The following TOLLIP variants were observed in gnomAD, a reference collection of about 807,000 sequenced individuals.
TOLLIP encodes the protein toll-interacting protein.
TOLLIP carries 16 observed loss-of-function variants against 33.5 expected under a neutral mutation model. That is an observed-to-expected ratio of 0.48 (90% CI 0.32 to 0.72). TOLLIP has a LOEUF of 0.72. TOLLIP is among the 30% of genes least tolerant of loss of function. The probability of loss-of-function intolerance (pLI) is 0.03; values close to 1 mark genes in which losing one functional copy is unlikely to be tolerated. For missense variants in TOLLIP, 325 were observed against 396.6 expected, an observed-to-expected ratio of 0.82 and a Z score of 1.53; for synonymous variants, 176 against 163.7, an observed-to-expected ratio of 1.07 and a Z score of -0.57.
At chr11:1,289,591 C>T (rs979299983) in intron 3 of TOLLIP, among the ~76,000 whole-genome samples, 8 of 151,702 alleles carry the variant, frequency 5.3e-5, no homozygotes, top group Non-Finnish European at 1.2e-4. Flanking sequence ...GGTGAGCGGC[C>T]GGACCCTGTG....
intron 1 of TOLLIP, among the ~76,000 whole-genome samples, chr11:1,304,058 C>G: frequency 6.7e-6 from 1 of 148,390 alleles, no homozygotes. Flanking sequence ...AAAAAAAAGA[C>G]CTCAAGTGAA....
intron 5 of TOLLIP, among the ~76,000 whole-genome samples, chr11:1,280,569 G>T (rs1211373151): frequency 1.3e-5 from 2 of 152,072 alleles, no homozygotes; most frequent in Non-Finnish European, 2.9e-5. Context: ...GGTGCACGAG[G>T]GAACAGATGG....
chr11:1,296,440 G>A (rs1222375305), intron 1 of TOLLIP, among the ~76,000 whole-genome samples: 2 of 152,224 alleles, frequency 1.3e-5, no homozygotes, highest in Non-Finnish European at 2.9e-5. Flanking sequence ...ATGCCATCCC[G>A]AAACCACCCG....
rs549183160 is a variant in TOLLIP, at chr11:1,303,387, G to A, written c.33+6079C>T. Among the ~76,000 whole-genome samples, 12 of 152,312 alleles carry A rather than the reference G, an allele frequency of 7.9e-5. No homozygotes were observed. Among genetic ancestry groups the A allele is most frequent in the African/African-American group, 2.6e-4 (11 of 41,578 alleles). On this transcript the variant is annotated intron_variant, in intron 1 of 5. Transcript: ENST00000317204. This position sits in a 1 kb window ranked among gnomAD's most constrained non-coding sequence, Gnocchi z 4.2. ...AGGCCCTGGGCGCCGGGCACAGGGC[G>A]CGCGCTGCGGCAGCCTCTGCGTGTC...
chr11:1,297,607 C>T (rs1214376415), intron 1 of TOLLIP, among the ~76,000 whole-genome samples: 4 of 152,258 alleles, frequency 2.6e-5, no homozygotes, highest in Admixed American at 1.3e-4. Context: ...GACTGGGACA[C>T]GTCACGAGTG....
At chr11:1,309,345 CGTG>C in intron 1 of TOLLIP, 118 bp downstream of exon 1, 1 of 515,132 alleles carries the variant, frequency 1.9e-6, no homozygotes, top group Non-Finnish European at 2.9e-6. Flanking sequence ...AGGCGCCCCG[CGTG>C]CCCCGGGAGA....
Position 1,303,929 on chromosome 11 carries a change from G to A in TOLLIP, c.33+5537C>T, listed in dbSNP as rs1197651153. Among the ~76,000 whole-genome samples, 3 of 151,980 alleles carry A rather than the reference G, an allele frequency of 2.0e-5. No homozygotes were observed. Among genetic ancestry groups the A allele is most frequent in the South Asian group, 2.1e-4 (1 of 4,826 alleles). On this transcript the variant is annotated intron_variant, in intron 1 of 5. Transcript: ENST00000317204. The surrounding 1 kb of genome is among the most constrained non-coding windows in gnomAD (Gnocchi z 4.2). The stretch of plus-strand genomic sequence containing the variant: ...TGGACGCCTGTAATCCCAGCTACTC[G>A]GGAGTCTGAGGCAGGAAAATCGCTT...
chr11:1,304,053 A>G (rs1057205789), intron 1 of TOLLIP, among the ~76,000 whole-genome samples: 1 of 151,618 alleles, frequency 6.6e-6, no homozygotes, highest in Admixed American at 6.6e-5. Flanking sequence ...AAAAAAAAAA[A>G]AAGACCTCAA....
rs1170784803 is a variant in TOLLIP at position 1,309,070 on chromosome 11, TCGGGGCCGCCTCCATCTGGGCAC to T, written c.33+373_33+395del. Among the ~76,000 whole-genome samples, 253 of 149,828 alleles carry T rather than the reference TCGGGGCCGCCTCCATCTGGGCAC, an allele frequency of 1.7e-3. 2 individuals carry two copies. The highest frequency in any genetic ancestry group is 5.5e-3 in the African/African-American group (223 of 40,478). On this transcript the variant is annotated intron_variant, in intron 1 of 5. Transcript: ENST00000317204. ...CCCTCCTCCATTCGGGAGTCAGAGC[TCGGGGCCGCCTCCATCTGGGCAC>T]CGGGCCCTCCTCCATCTGGAGACCA...
rs5743896 is a variant in TOLLIP, at chr11:1,303,195, G to C, written c.33+6271C>G. 0.022 allele frequency among the ~76,000 whole-genome samples: 3,377 copies of C among 152,240 alleles called. 132 individuals carry two copies. Among genetic ancestry groups the C allele is most frequent in the African/African-American group, 0.077 (3,178 of 41,520 alleles). On this transcript the variant is annotated intron_variant, in intron 1 of 5. Coordinates refer to ENST00000317204, the MANE Select transcript of TOLLIP (RefSeq NM_019009.4). This position sits in a 1 kb window ranked among gnomAD's most constrained non-coding sequence, Gnocchi z 4.2. The stretch of plus-strand genomic sequence containing the variant: ...ACTACAGAACAAGCGACTTTAAATG[G>C]GGTCTCTGCCAGGAACTCCACTGCA...
intron 5 of TOLLIP, among the ~76,000 whole-genome samples, chr11:1,281,286 T>C (rs1257364182): frequency 6.6e-6 from 1 of 152,244 alleles, no homozygotes; most frequent in Non-Finnish European, 1.5e-5. Context: ...CCTTCCTCAC[T>C]GATGCGGTCA....
At chr11:1,302,123 G>A (rs1015284045) in intron 1 of TOLLIP, among the ~76,000 whole-genome samples, 2 of 152,264 alleles carry the variant, frequency 1.3e-5, no homozygotes, top group Non-Finnish European at 2.9e-5. Flanking sequence ...GATGTCTGCT[G>A]CTAGGTTCAC....
At position 1,290,540 on chromosome 11, in the gene TOLLIP, C is replaced by T. The variant is rs929917840; in HGVS notation, c.184-131G>A. On this transcript the variant is annotated intron_variant, in intron 2 of 5. Coordinates refer to ENST00000317204, the MANE Select transcript of TOLLIP (RefSeq NM_019009.4). This position sits in a 1 kb window ranked among gnomAD's most constrained non-coding sequence, Gnocchi z 4.9. ...CACATAGACTACAGCCACTCAGAGT[C>T]GCCTGAACACGGCTGTGACCTGCTT... 18 of 776,330 alleles carry T rather than the reference C, an allele frequency of 2.3e-5. No homozygotes were observed. The highest frequency in any genetic ancestry group is 1.6e-4 in the East Asian group (6 of 37,152). 48.1% of individuals were successfully genotyped at this position (776,330 alleles called of 1,614,324 possible).
chr11:1,276,358 G>A lies in TOLLIP; in HGVS notation c.*681C>T, dbSNP rs1258824197. ...TCAGATGCCCGCTGGCTGGCAATCA[G>A]GCAGAGCCTGGCCAACCGTGCCAGG... On this transcript the variant is annotated 3_prime_UTR_variant, in exon 6 of 6. Transcript: ENST00000317204. 1 of 209,960 alleles carries A rather than the reference G, an allele frequency of 4.8e-6. No homozygotes were observed. Among genetic ancestry groups the A allele is most frequent in the African/African-American group, 2.3e-5 (1 of 42,886 alleles). 13.0% of individuals were successfully genotyped at this position (209,960 alleles called of 1,614,324 possible). A position where few individuals can be genotyped will look rare whatever the true frequency, so the allele number is the denominator to read the frequency against.
chr11:1,281,096 A>C (rs2133882470), intron 5 of TOLLIP, among the ~76,000 whole-genome samples: 1 of 152,354 alleles, frequency 6.6e-6, no homozygotes, highest in Non-Finnish European at 1.5e-5. Flanking sequence ...AATTGAGGCT[A>C]AAAAACCCCC....
rs183669349 is a variant in TOLLIP, at chr11:1,286,683, A to G, written c.520-591T>C. Among the ~76,000 whole-genome samples, 79 of 133,486 alleles carry G rather than the reference A, an allele frequency of 5.9e-4. 1 individual carries two copies. The highest frequency in any genetic ancestry group is 2.3e-3 in the African/African-American group (79 of 34,492). The allele number at this position is 133,486 out of a possible 152,430, so 87.6% of individuals were successfully genotyped here. ...GTGGATAAGTCACTGCACCGCTGTC[A>G]TCTCTAAGTTTAGTTCAAAACTGTC... On this transcript the variant is annotated intron_variant, in intron 4 of 5. Coordinates refer to ENST00000317204, the MANE Select transcript of TOLLIP (RefSeq NM_019009.4).
chr11:1,286,365 G>A (rs1863692944), intron 4 of TOLLIP, among the ~76,000 whole-genome samples: 1 of 152,220 alleles, frequency 6.6e-6, no homozygotes, highest in African/African-American at 2.4e-5. Flanking sequence ...AGAGGATGGT[G>A]ACAGGAGGGA....
intron 5 of TOLLIP, among the ~76,000 whole-genome samples, chr11:1,279,193 G>A (rs932964909): frequency 2.0e-5 from 3 of 152,232 alleles, no homozygotes; most frequent in South Asian, 2.1e-4. Context: ...GGGATGTGGC[G>A]CCGACTGGCC....
chr11:1,299,670 C>T (rs1236808888), intron 1 of TOLLIP, among the ~76,000 whole-genome samples: 1 of 152,156 alleles, frequency 6.6e-6, no homozygotes, highest in Non-Finnish European at 1.5e-5. Context: ...ATTTTGCTTC[C>T]ATGTACAAGA....
Sources: allele counts gnomAD v4.1 joint callset (sites outside exome capture counted in the v4.1 genomes callset), GRCh38; gene constraint gnomAD v4.1.1; non-coding constraint Gnocchi (gnomAD v3.1); transcripts MANE v1.5; gene names NCBI Gene and HGNC (gene_info 2026-07-23, HGNC 2026-07-21).